Variants in SLC8A3 observed in about 807,000 individuals in gnomAD.
SLC8A3 encodes the protein sodium/calcium exchanger 3.
SLC8A3 carries 37 observed loss-of-function variants against 65.4 expected under a neutral mutation model. That is an observed-to-expected ratio of 0.57 (90% CI 0.44 to 0.74). The LOEUF (loss-of-function observed/expected upper bound fraction) is 0.74, where lower values mean the gene tolerates loss of function less well. Ranked by LOEUF, SLC8A3 falls within the 30% of genes least tolerant of loss-of-function variation. The probability of loss-of-function intolerance (pLI) is 0.00; values close to 1 mark genes in which losing one functional copy is unlikely to be tolerated. For missense variants in SLC8A3, 1,112 were observed against 1,172.1 expected (o/e 0.95, Z 0.75); for synonymous variants, 461 against 444.5 (o/e 1.04, Z -0.47).
intron 4 of SLC8A3, 98 bp from the exon 5 acceptor site, chr14:70,051,205 A>C: frequency 1.2e-6 from 1 of 800,502 alleles, no homozygotes; most frequent in Non-Finnish European, 2.2e-6. Flanking sequence ...CCTGTCTCCA[A>C]GGTGTTCTGA....
intron 2 of SLC8A3, among the ~76,000 whole-genome samples, chr14:70,165,841 G>A (rs904437204): frequency 6.6e-6 from 1 of 152,188 alleles, no homozygotes; most frequent in African/African-American, 2.4e-5. Flanking sequence ...GAAAAGAGAG[G>A]ACCACACAGA....
intron 2 of SLC8A3, among the ~76,000 whole-genome samples, chr14:70,106,326 AC>A (rs1400116943): frequency 6.6e-6 from 1 of 152,138 alleles, no homozygotes; most frequent in African/African-American, 2.4e-5. Context: ...ATTCTCACAT[AC>A]TTTTTTTATT....
At position 70,045,476 on chromosome 14, in the gene SLC8A3, A is replaced by G. The variant is rs1886654141; in HGVS notation, c.*471T>C. 1 of 153,420 alleles carries G rather than the reference A, an allele frequency of 6.5e-6. No individual in the cohort carries two copies. The highest frequency in any genetic ancestry group is 1.5e-5 in the Non-Finnish European group (1 of 68,958). The allele number at this position is 153,420 out of a possible 1,614,324, so 9.5% of individuals were successfully genotyped here. A position where few individuals can be genotyped will look rare whatever the true frequency, so the allele number is the denominator to read the frequency against. On this transcript the variant is annotated 3_prime_UTR_variant, in exon 7 of 7. Coordinates refer to ENST00000356921, the MANE Select transcript of SLC8A3 (RefSeq NM_182932.3). Reference sequence around the variant, plus strand: ...GAAAGCAACCACAATAATGATTACAATGAAAAAAGAACCCCACCCCAGCCA... The same window carrying G: ...GAAAGCAACCACAATAATGATTACAGTGAAAAAAGAACCCCACCCCAGCCA...
Position 70,048,994 on chromosome 14 carries a change from C to A in SLC8A3, c.2162G>T (p.Cys721Phe). ...DESGEERLPS[C>F]FDYVMHFLTV... Reference sequence around the variant, plus strand: ...CAGGAAGTGCATGACGTAGTCAAAGCAGGAGGGCAGCCTCTCCTCCCCGGA... The same window carrying A: ...CAGGAAGTGCATGACGTAGTCAAAGAAGGAGGGCAGCCTCTCCTCCCCGGA... Residue 721 changes from cysteine to phenylalanine, a missense_variant, in exon 6 of 7, where the codon TGC (cysteine) becomes TTC (phenylalanine). Transcript: ENST00000356921. 1 of 1,614,032 alleles carries A rather than the reference C, an allele frequency of 6.2e-7. No homozygotes were observed. The highest frequency in any genetic ancestry group is 8.5e-7 in the Non-Finnish European group (1 of 1,179,894).
intron 2 of SLC8A3, among the ~76,000 whole-genome samples, chr14:70,093,498 G>A (rs1475523919): frequency 6.6e-6 from 1 of 152,164 alleles, no homozygotes; most frequent in African/African-American, 2.4e-5. Context: ...GACTATTGAG[G>A]GGATGAGACA....
chr14:70,149,673 C>G (rs555884579), intron 2 of SLC8A3, among the ~76,000 whole-genome samples: 1 of 152,176 alleles, frequency 6.6e-6, no homozygotes, highest in Non-Finnish European at 1.5e-5. Flanking sequence ...TGTAGCTGCT[C>G]CAGCCCCAGA....
rs975847687 is a variant in SLC8A3, at chr14:70,164,394, T to G, written c.1784+2245A>C. On this transcript the variant is annotated intron_variant, in intron 2 of 6. Coordinates refer to ENST00000356921, the MANE Select transcript of SLC8A3 (RefSeq NM_182932.3). ...TTTGGACTCATTATTCTGCAATGAA[T>G]GAAGTCTAAAAAATAAATGAAAAGG... is the stretch of plus-strand genomic sequence containing the variant. 3.3e-5 allele frequency among the ~76,000 whole-genome samples: 5 copies of G among 152,206 alleles called. No individual in the cohort carries two copies. In the East Asian group the frequency reaches 7.7e-4, roughly 24 times the overall value.
At chr14:70,121,431 T>A (rs936260249) in intron 2 of SLC8A3, among the ~76,000 whole-genome samples, 4 of 152,236 alleles carry the variant, frequency 2.6e-5, no homozygotes, top group African/African-American at 9.6e-5. Context: ...TGCTACAGAT[T>A]CTGATATGTC....
chr14:70,052,140 C>A (rs768498556), intron 3 of SLC8A3, 26 bp from the exon 4 acceptor site: 4 of 1,574,700 alleles, frequency 2.5e-6, no homozygotes, highest in Non-Finnish European at 3.4e-6. Context: ...ATCAGACTCG[C>A]TTTAACACCT....
chr14:70,120,459 C>A (rs1893981190), intron 2 of SLC8A3, among the ~76,000 whole-genome samples: 1 of 152,158 alleles, frequency 6.6e-6, no homozygotes, highest in Admixed American at 6.5e-5. Context: ...CAGCAGAGGG[C>A]AAAGAGGCAG....
At chr14:70,072,491 A>T (rs1308580001) in intron 2 of SLC8A3, among the ~76,000 whole-genome samples, 1 of 151,968 alleles carries the variant, frequency 6.6e-6, no homozygotes, top group Non-Finnish European at 1.5e-5. Flanking sequence ...AAAATATTTT[A>T]AAATCACAAA....
chr14:70,086,251 A>G (rs192572687), intron 2 of SLC8A3, among the ~76,000 whole-genome samples: 28 of 152,314 alleles, frequency 1.8e-4, no homozygotes, highest in African/African-American at 6.7e-4. Context: ...AATAAGAGAG[A>G]TTCAGTAAAA....
chr14:70,117,940 G>T (rs187387418), intron 2 of SLC8A3, among the ~76,000 whole-genome samples: 20 of 152,310 alleles, frequency 1.3e-4, no homozygotes, highest in African/African-American at 4.8e-4. Context: ...CCACAGTAGA[G>T]CCTCTTGTCC....
chr14:70,081,746 C>G (rs1891066293), intron 2 of SLC8A3, among the ~76,000 whole-genome samples: 1 of 152,138 alleles, frequency 6.6e-6, no homozygotes, highest in Non-Finnish European at 1.5e-5. Context: ...AAGGAGCATG[C>G]AAGATTGGGA....
In SLC8A3 at chr14:70,050,433, C is replaced by T. The variant is rs116023386; in HGVS notation, c.2113+575G>A. ...GTGATGGTGGTTGGGAGACCTTTTC[C>T]GTCCCTGTTCCAACCAGCAGTCCCC... On this transcript the variant is annotated intron_variant, in intron 5 of 6. Coordinates refer to ENST00000356921, the MANE Select transcript of SLC8A3 (RefSeq NM_182932.3). Among the ~76,000 whole-genome samples the T allele has an allele frequency of 1.7e-3, 266 of 152,242 alleles. 1 individual carries two copies. The highest frequency in any genetic ancestry group is 4.0e-3 in the African/African-American group (168 of 41,532).
intron 2 of SLC8A3, among the ~76,000 whole-genome samples, chr14:70,166,270 G>A (rs899431776): frequency 2.0e-5 from 3 of 152,180 alleles, no homozygotes; most frequent in African/African-American, 7.2e-5. Context: ...AAGGGAGGAA[G>A]AAGAGGCCCA....
At chr14:70,135,487 C>T (rs1352093576) in intron 2 of SLC8A3, among the ~76,000 whole-genome samples, 1 of 152,048 alleles carries the variant, frequency 6.6e-6, no homozygotes, top group Non-Finnish European at 1.5e-5. Context: ...ATGGAATCAA[C>T]CTAAATATGC....
intron 2 of SLC8A3, among the ~76,000 whole-genome samples, chr14:70,097,186 A>T (rs192280689): frequency 5.9e-5 from 9 of 152,186 alleles, no homozygotes. Context: ...GGAATATGGG[A>T]AGAAGGGCAA....
At chr14:70,176,703 A>G (rs1275637784) in intron 1 of SLC8A3, among the ~76,000 whole-genome samples, 1 of 152,228 alleles carries the variant, frequency 6.6e-6, no homozygotes, top group African/African-American at 2.4e-5. Flanking sequence ...ATACCTTGCC[A>G]AGAATAGTCA....
Sources: allele counts gnomAD v4.1 joint callset (sites outside exome capture counted in the v4.1 genomes callset), GRCh38; gene constraint gnomAD v4.1.1; transcripts MANE v1.5; gene names NCBI Gene and HGNC (gene_info 2026-07-23, HGNC 2026-07-21).